The following NIBAN2 variants were observed in gnomAD, a reference collection of about 807,000 sequenced individuals.
NIBAN2 encodes niban apoptosis regulator 2, also known as protein Niban 2.
NIBAN2 carries 36 observed loss-of-function variants against 81.8 expected under a neutral mutation model. The ratio of observed to expected loss-of-function variants is 0.44; its 90% CI spans 0.34 to 0.58. The LOEUF (loss-of-function observed/expected upper bound fraction) is 0.58, where lower values mean the gene tolerates loss of function less well. Among genes scored for constraint, NIBAN2 ranks in the 20% least tolerant of loss-of-function variants. The pLI is 0.02. For missense variants in NIBAN2, 897 were observed against 1,014.1 expected (o/e 0.88, Z 1.57); for synonymous variants, 445 against 441.6 (o/e 1.01, Z -0.10).
At chr9:127,549,327 C>A (rs539428301) in intron 1 of NIBAN2, among the ~76,000 whole-genome samples, 2 of 152,186 alleles carry the variant, frequency 1.3e-5, no homozygotes, top group African/African-American at 4.8e-5. Context: ...TATGCCCACA[C>A]GCATGCACAC....
At chr9:127,540,518 G>T (rs3936050) in intron 1 of NIBAN2, among the ~76,000 whole-genome samples, 1 of 152,168 alleles carries the variant, frequency 6.6e-6, no homozygotes, top group Non-Finnish European at 1.5e-5. Context: ...GCTTGGACAC[G>T]TGCCCCCGAT....
Position 127,517,704 on chromosome 9 carries a change from A to G in NIBAN2, c.705+122T>C. On this transcript the variant is annotated intron_variant, in intron 6 of 13. Coordinates refer to ENST00000373312, the MANE Select transcript of NIBAN2 (RefSeq NM_022833.4). This position sits in a 1 kb window ranked among gnomAD's most constrained non-coding sequence, Gnocchi z 4.0. ...GCCCTGCACTTGTCCAAATCTAAGC[A>G]TGTCATCTCCTTCCAAACCGGCAGC... 1.4e-6 allele frequency: 1 copy of G among 698,078 alleles called. No individual in the cohort carries two copies. The highest frequency in any genetic ancestry group is 2.5e-6 in the Non-Finnish European group (1 of 397,968). 43.2% of individuals were successfully genotyped at this position (698,078 alleles called of 1,614,324 possible).
chr9:127,557,855 C>T (rs1048614660), intron 1 of NIBAN2, among the ~76,000 whole-genome samples: 2 of 152,196 alleles, frequency 1.3e-5, no homozygotes, highest in African/African-American at 4.8e-5. Flanking sequence ...TCAAATCTTT[C>T]CCCATCCTGC....
Position 127,575,807 on chromosome 9 carries a change from G to A in NIBAN2, c.16+3115C>T, listed in dbSNP as rs143508749. ...GGCTCCCACAGTGCTGGGATTACAG[G>A]CGTGAGCCACCGTGCCTGGCTGTGT... On this transcript the variant is annotated intron_variant, in intron 1 of 13. Transcript: ENST00000373314. Among the ~76,000 whole-genome samples, 50 of 152,294 alleles carry A rather than the reference G, an allele frequency of 3.3e-4. 3 individuals are homozygous for A. The East Asian group carries it at 9.1e-3, about 28-fold the overall frequency.
intron 9 of NIBAN2, 178 bp downstream of exon 9, chr9:127,509,968 C>A: frequency 2.0e-6 from 1 of 498,156 alleles, no homozygotes; most frequent in Non-Finnish European, 3.5e-6. Context: ...GCAGGCCCCA[C>A]GAGGACTCCA....
At chr9:127,525,910 G>A (rs1285167048) in intron 3 of NIBAN2, among the ~76,000 whole-genome samples, 1 of 152,168 alleles carries the variant, frequency 6.6e-6, no homozygotes, top group Non-Finnish European at 1.5e-5. Context: ...GGAGAATTAG[G>A]TCTAGAAACT....
chr9:127,507,253 G>T lies in NIBAN2; in HGVS notation c.1833C>A (p.Thr611=). Residue 611 remains threonine (T), a synonymous_variant, in exon 14 of 14, where the codon ACC becomes ACA. Coordinates refer to ENST00000373312, the MANE Select transcript of NIBAN2 (RefSeq NM_022833.4). This position sits in a 1 kb window ranked among gnomAD's most constrained non-coding sequence, Gnocchi z 6.8. ...TGGCGCGCCGTCGCTTTTCCGAGAGGGTGGCTGACTCCGGGGTGCTGGGGC... is the reference window on the plus strand; with the variant it reads ...TGGCGCGCCGTCGCTTTTCCGAGAGTGTGGCTGACTCCGGGGTGCTGGGGC... ...SPSPSTPESA[T]LSEKRRRAKQ... 3 of 1,609,582 alleles carry T rather than the reference G, an allele frequency of 1.9e-6. No individual in the cohort carries two copies. The highest frequency in any genetic ancestry group is 2.5e-6 in the Non-Finnish European group (3 of 1,177,190).
intron 1 of NIBAN2, among the ~76,000 whole-genome samples, chr9:127,539,607 G>A (rs866046660): frequency 2.0e-5 from 3 of 152,154 alleles, no homozygotes; most frequent in Non-Finnish European, 2.9e-5. Flanking sequence ...TAAAATGGGA[G>A]GGTGGGTCCC....
chr9:127,546,129 C>T (rs1160859039), intron 1 of NIBAN2, among the ~76,000 whole-genome samples: 9 of 152,338 alleles, frequency 5.9e-5, no homozygotes, highest in Non-Finnish European at 1.0e-4. Flanking sequence ...TGATCTATGA[C>T]AGTGATTGTG....
intron 1 of NIBAN2, among the ~76,000 whole-genome samples, chr9:127,543,111 G>A (rs1837411476): frequency 6.6e-6 from 1 of 152,216 alleles, no homozygotes; most frequent in Admixed American, 6.5e-5. Context: ...ACAGCCGTGT[G>A]ACCCTGCGTG....
chr9:127,549,914 C>A (rs558024464), intron 1 of NIBAN2, among the ~76,000 whole-genome samples: 2 of 152,238 alleles, frequency 1.3e-5, no homozygotes, highest in East Asian at 3.9e-4. Context: ...GGCTCCCCTC[C>A]CAGCCCCGCC....
At chr9:127,543,278 G>T (rs1423271015) in intron 1 of NIBAN2, among the ~76,000 whole-genome samples, 1 of 152,196 alleles carries the variant, frequency 6.6e-6, no homozygotes, top group African/African-American at 2.4e-5. Context: ...GCTGGCTGGG[G>T]ACACCTCACG....
chr9:127,547,269 G>A (rs1333909763), intron 1 of NIBAN2, among the ~76,000 whole-genome samples: 5 of 152,274 alleles, frequency 3.3e-5, no homozygotes, highest in African/African-American at 4.8e-5. Context: ...GGTGGCTCAC[G>A]CCTATAATCC....
intron 1 of NIBAN2, among the ~76,000 whole-genome samples, chr9:127,532,134 T>C (rs1041277449): frequency 6.6e-6 from 1 of 152,122 alleles, no homozygotes; most frequent in Non-Finnish European, 1.5e-5. Flanking sequence ...GGGACAGCCA[T>C]TTCGGAGGGT....
chr9:127,517,057 G>C lies in NIBAN2; in HGVS notation c.811-38C>G, dbSNP rs774211700. On this transcript the variant is annotated intron_variant, in intron 7 of 13. Transcript: ENST00000373312. This position sits in a 1 kb window ranked among gnomAD's most constrained non-coding sequence, Gnocchi z 4.0. The stretch of plus-strand genomic sequence containing the variant: ...CAGCTGAATTGGCACCAGGGCTGAG[G>C]GCACCGCACCAGCTGCAGGTCCCGT... 3.1e-6 allele frequency: 5 copies of C among 1,610,670 alleles called. No individual in the cohort carries two copies. Among genetic ancestry groups the C allele is most frequent in the Non-Finnish European group, 4.2e-6 (5 of 1,177,560 alleles).
At chr9:127,573,396 G>A (rs1354897291), upstream of NIBAN2, among the ~76,000 whole-genome samples, 11 of 147,682 alleles carry the variant, frequency 7.4e-5, no homozygotes, top group Admixed American at 7.4e-4. Flanking sequence ...ATCAATTATT[G>A]TAATAAAAAA....
rs1376168300 is a variant in NIBAN2 at position 127,527,178 on chromosome 9, CG to C, written c.315+15del. On this transcript the variant is annotated intron_variant, in intron 3 of 13. Coordinates refer to ENST00000373312, the MANE Select transcript of NIBAN2 (RefSeq NM_022833.4). ...AAGCGGGGAGGCTCAGTGTGGCGCCCGGGGCCAGGCCTCACCGCTTTGTTTT... is the reference window on the plus strand; with the variant it reads ...AAGCGGGGAGGCTCAGTGTGGCGCCCGGGCCAGGCCTCACCGCTTTGTTTT... 3.1e-6 allele frequency: 5 copies of C among 1,611,330 alleles called. No homozygotes were observed. The African/African-American group carries it at 5.3e-5, about 17-fold the overall frequency.
At chr9:127,565,946 T>TCTCACACACACACACACA (rs751937125) in intron 1 of NIBAN2, among the ~76,000 whole-genome samples, 5 of 130,558 alleles carry the variant, frequency 3.8e-5, no homozygotes, top group African/African-American at 1.6e-4. Context: ...TCTCTCTCTC[T>TCTCACACACACACACACA]CACACACACA....
intron 1 of NIBAN2, among the ~76,000 whole-genome samples, chr9:127,565,981 A>ACAC (rs1395730715): frequency 6.0e-5 from 6 of 99,896 alleles, no homozygotes; most frequent in Non-Finnish European, 1.2e-4. Flanking sequence ...CACACACACA[A>ACAC]ATTAGCACGG....
Sources: allele counts gnomAD v4.1 joint callset (sites outside exome capture counted in the v4.1 genomes callset), GRCh38; gene constraint gnomAD v4.1.1; non-coding constraint Gnocchi (gnomAD v3.1); transcripts MANE v1.5; gene names NCBI Gene and HGNC (gene_info 2026-07-23, HGNC 2026-07-21).